FDFT1: variants seen among roughly 807,000 people sequenced by gnomAD.
FDFT1 encodes the protein squalene synthase.
FDFT1 carries 68 observed loss-of-function variants against 46.8 expected under a neutral mutation model. The observed-to-expected ratio is 1.45, with a 90% CI of 1.19 to 1.78. FDFT1 has a LOEUF of 1.78. Among genes scored for constraint, FDFT1 ranks in the 40% most tolerant of loss-of-function variants. The pLI, the probability that FDFT1 is intolerant of heterozygous loss-of-function variation, is 0.00. For synonymous variants in FDFT1, 351 were observed against 185.1 expected, an observed-to-expected ratio of 1.90 and a Z score of -7.28; for missense variants, 928 against 524.4, an observed-to-expected ratio of 1.77 and a Z score of -7.52.
Position 11,802,806 on chromosome 8 carries a change from G to A in FDFT1, c.-27G>A. 1.3e-6 allele frequency: 2 copies of A among 1,578,230 alleles called. No individual in the cohort carries two copies. The highest frequency in any genetic ancestry group is 8.7e-7 in the Non-Finnish European group (1 of 1,155,980). ...TGGGGACCGCAGAGGTGAGAGTCGC[G>A]CCCGGGAGTCCGCCGCCTGCGCCAG... On this transcript the variant is annotated 5_prime_UTR_variant, in exon 1 of 8. Transcript: ENST00000220584.
chr8:11,808,501 CG>C, intron 1 of FDFT1: 1 of 1,329,204 alleles, frequency 7.5e-7, no homozygotes, highest in Non-Finnish European at 9.6e-7. Flanking sequence ...AAAAACTCCG[CG>C]GGGTCCGCGA....
upstream of FDFT1, among the ~76,000 whole-genome samples, chr8:11,799,230 C>T (rs904648535): frequency 1.3e-5 from 2 of 152,206 alleles, no homozygotes; most frequent in African/African-American, 2.4e-5. Context: ...AGTCCACGGT[C>T]GGCGGTCTTA....
At chr8:11,823,733 G>A (rs1405616971) in intron 4 of FDFT1, among the ~76,000 whole-genome samples, 1 of 151,790 alleles carries the variant, frequency 6.6e-6, no homozygotes, top group Non-Finnish European at 1.5e-5. Context: ...ACCATGCCTG[G>A]CTAATTTATT....
At chr8:11,805,656 T>C (rs1477705238) in intron 1 of FDFT1, among the ~76,000 whole-genome samples, 1 of 152,186 alleles carries the variant, frequency 6.6e-6, no homozygotes, top group African/African-American at 2.4e-5. Flanking sequence ...TGAAAAGAAT[T>C]TTTTGAGTGT....
chr8:11,801,374 C>T (rs888999780), upstream of FDFT1, among the ~76,000 whole-genome samples: 1 of 152,214 alleles, frequency 6.6e-6, no homozygotes, highest in Non-Finnish European at 1.5e-5. Context: ...GGCTGGAGTG[C>T]AATAGCGCGA....
chr8:11,830,017 T>C (rs563574265), intron 5 of FDFT1, among the ~76,000 whole-genome samples: 98 of 152,124 alleles, frequency 6.4e-4, no homozygotes, highest in African/African-American at 2.3e-3. Flanking sequence ...CCGGCTAGTT[T>C]TTGTATTTTT....
intron 5 of FDFT1, among the ~76,000 whole-genome samples, chr8:11,829,572 T>A (rs1036656468): frequency 6.6e-6 from 1 of 152,236 alleles, no homozygotes; most frequent in Non-Finnish European, 1.5e-5. Context: ...AGTACAATTA[T>A]AACTGTTTTT....
chr8:11,827,236 C>T (rs1455205017), intron 5 of FDFT1, among the ~76,000 whole-genome samples: 1 of 151,974 alleles, frequency 6.6e-6, no homozygotes, highest in African/African-American at 2.4e-5. Context: ...AGTGCTGAGG[C>T]CAGGAGTTCA....
At chr8:11,837,986 TC>T (rs545662437) in intron 7 of FDFT1, among the ~76,000 whole-genome samples, 97 of 152,332 alleles carry the variant, frequency 6.4e-4, no homozygotes, top group African/African-American at 2.3e-3. Flanking sequence ...CCATCTTGTT[TC>T]TAAGCTGCTT....
chr8:11,801,567 G>C (rs1033792062), upstream of FDFT1: 1 of 176,708 alleles, frequency 5.7e-6, no homozygotes, highest in African/African-American at 2.4e-5. Context: ...TGATCCGCCC[G>C]CCTTGGCCTC....
chr8:11,817,560 T>C (rs1808631786), intron 3 of FDFT1, among the ~76,000 whole-genome samples: 1 of 152,226 alleles, frequency 6.6e-6, no homozygotes, highest in Admixed American at 6.5e-5. Context: ...ATTGGTCATT[T>C]CAGAGGTTCA....
chr8:11,812,289 A>G (rs1439816845), intron 3 of FDFT1, among the ~76,000 whole-genome samples: 3 of 152,130 alleles, frequency 2.0e-5, no homozygotes, highest in Non-Finnish European at 2.9e-5. Flanking sequence ...TCTATTTCCT[A>G]AGGTCAGTCC....
intron 1 of FDFT1, chr8:11,808,440 C>T (rs1352161673): frequency 4.7e-6 from 6 of 1,269,230 alleles, no homozygotes; most frequent in East Asian, 3.1e-5. Context: ...GAGGGCGAGC[C>T]CGTCCCGCCC....
chr8:11,801,788 G>C (rs1462606614), upstream of FDFT1: 1 of 362,672 alleles, frequency 2.8e-6, no homozygotes, highest in South Asian at 2.1e-5. Context: ...CCGCTTCCCG[G>C]GTTCAAGTGA....
upstream of FDFT1, among the ~76,000 whole-genome samples, chr8:11,799,914 C>G (rs1407862914): frequency 6.8e-6 from 1 of 146,836 alleles, no homozygotes; most frequent in Non-Finnish European, 1.5e-5. Context: ...CCACTGCACT[C>G]CAGCCTCACG....
chr8:11,797,377 GCT>G (rs981154616), upstream of FDFT1, among the ~76,000 whole-genome samples: 2 of 152,136 alleles, frequency 1.3e-5, no homozygotes, highest in Non-Finnish European at 1.5e-5. Context: ...TGGATTAGGG[GCT>G]CTCTAACAAA....
intron 7 of FDFT1, among the ~76,000 whole-genome samples, chr8:11,837,860 GGGAGGCTTGT>G (rs1334223206): frequency 6.6e-6 from 1 of 152,144 alleles, no homozygotes. Flanking sequence ...GCACATACTT[GGGAGGCTTGT>G]GGAGGAGTGG....
upstream of FDFT1, among the ~76,000 whole-genome samples, chr8:11,799,558 G>C (rs1208870135): frequency 6.6e-6 from 1 of 152,234 alleles, no homozygotes. Context: ...ATGCCAGCCA[G>C]TTGTGTATGA....
chr8:11,815,015 C>A (rs905786460), intron 3 of FDFT1, among the ~76,000 whole-genome samples: 2 of 152,192 alleles, frequency 1.3e-5, no homozygotes, highest in African/African-American at 4.8e-5. Context: ...CTATCCCTCC[C>A]TTGGCCCCCC....
Sources: gnomAD v4.1 joint callset for allele counts (sites outside exome capture counted in the v4.1 genomes callset) on GRCh38, gnomAD v4.1.1 for gene constraint, MANE v1.5 for transcripts, NCBI Gene and HGNC (gene_info 2026-07-23, HGNC 2026-07-21) for gene names.